The following CMIP variants were observed in gnomAD, a reference collection of about 807,000 sequenced individuals.
The protein encoded by CMIP is c-Maf inducing protein.
A neutral mutation model predicts 97.3 loss-of-function variants in CMIP; 13 were observed. The ratio of observed to expected loss-of-function variants is 0.13; its 90% confidence interval spans 0.09 to 0.21. The LOEUF is 0.21. Among genes scored for constraint, CMIP ranks in the 10% least tolerant of loss-of-function variants. CMIP has a pLI of 1.00. For synonymous variants in CMIP, 538 were observed against 436.3 expected (o/e 1.23, Z -2.91); for missense variants, 847 against 1,024.9 (o/e 0.83, Z 2.37).
intron 1 of CMIP, chr16:81,475,904 A>T: frequency 2.6e-6 from 1 of 384,306 alleles, no homozygotes; most frequent in Non-Finnish European, 5.0e-6. Flanking sequence ...GGAGAATGGC[A>T]TGAACCCGGG....
Position 81,670,154 on chromosome 16 carries a change from T to C in CMIP, c.838T>C (p.Cys280Arg). 1 of 1,608,454 alleles carries C rather than the reference T, an allele frequency of 6.2e-7. No homozygotes were observed. The highest frequency in any genetic ancestry group is 8.5e-7 in the Non-Finnish European group (1 of 1,177,714). ...GCTGTCTCCACAGGACTTTGGGAAG[T>C]GCCCGCGACTGAGGCTGTTTACTCA... ...ILKHNMDFGK[C>R]PRLRLFTQEY... The change falls in exon 8 of 21, where the codon TGC becomes CGC. Residue 280 changes from cysteine (C) to arginine (R), a missense_variant. This residue lies in a region of CMIP where 285 missense variants were observed against 392.2 expected (regional missense o/e 0.73). Transcript: ENST00000537098.
rs577812123 is a variant in CMIP, at chr16:81,708,507, T to A, written c.2269-1239T>A. ...AGGCCCCTTGGGAAGAAAAATCACT[T>A]TCAGTCGATTTTTTTATTTTCACAC... On this transcript the variant is annotated intron_variant, in intron 20 of 20. Transcript: ENST00000537098. Among the ~76,000 whole-genome samples, 4 of 152,310 alleles carry A rather than the reference T, an allele frequency of 2.6e-5. No homozygotes were observed. In the East Asian group the frequency reaches 7.7e-4, roughly 29 times the overall value.
chr16:81,525,443 C>T (rs1239188885), intron 1 of CMIP, among the ~76,000 whole-genome samples: 1 of 152,140 alleles, frequency 6.6e-6, no homozygotes, highest in Admixed American at 6.5e-5. Context: ...GCCTCTGGCC[C>T]CTATTTTTAT....
At position 81,453,787 on chromosome 16, in the gene CMIP, C is replaced by T. The variant is rs1021889965; in HGVS notation, c.300+8246C>T. ...TTCTTGTGAAATGGGTCTGCCCTCC[C>T]CTAGGTCCTTCATTGTCAGGGGGAT... On this transcript the variant is annotated intron_variant, in intron 1 of 20. Transcript: ENST00000537098. This position sits in a 1 kb window ranked among gnomAD's most constrained non-coding sequence, Gnocchi z 4.0. 6.6e-6 allele frequency among the ~76,000 whole-genome samples: 1 copy of T among 152,212 alleles called. No individual in the cohort carries two copies. The highest frequency in any genetic ancestry group is 2.4e-5 in the African/African-American group (1 of 41,452).
At chr16:81,659,281 T>C (rs1049514882) in intron 5 of CMIP, among the ~76,000 whole-genome samples, 10 of 152,174 alleles carry the variant, frequency 6.6e-5, no homozygotes, top group Non-Finnish European at 1.2e-4. Context: ...CATTGAGGAC[T>C]GAATGTGTGC....
At chr16:81,548,671 C>T (rs2090595833) in intron 1 of CMIP, among the ~76,000 whole-genome samples, 1 of 149,042 alleles carries the variant, frequency 6.7e-6, no homozygotes, top group African/African-American at 2.5e-5. Context: ...GGAGACCATG[C>T]CTCTACAAAA....
At chr16:81,634,219 A>C (rs1187979931) in intron 3 of CMIP, among the ~76,000 whole-genome samples, 1 of 152,272 alleles carries the variant, frequency 6.6e-6, no homozygotes, top group African/African-American at 2.4e-5. Context: ...GAAAGGGGAA[A>C]GAACAATAAA....
chr16:81,690,752 C>G (rs1263218199), intron 10 of CMIP, among the ~76,000 whole-genome samples: 2 of 152,194 alleles, frequency 1.3e-5, no homozygotes, highest in Non-Finnish European at 2.9e-5. Context: ...TGGCAAAACC[C>G]CATCCCTACT....
chr16:81,654,787 G>A (rs574590912), intron 4 of CMIP, among the ~76,000 whole-genome samples: 1 of 152,210 alleles, frequency 6.6e-6, no homozygotes, highest in Non-Finnish European at 1.5e-5. Context: ...ACCCTCGCCC[G>A]GGTCTGCCCA....
chr16:81,580,877 C>G (rs570417620), intron 1 of CMIP, among the ~76,000 whole-genome samples: 18 of 152,142 alleles, frequency 1.2e-4, no homozygotes, highest in African/African-American at 4.3e-4. Flanking sequence ...TATCTAATTC[C>G]GAAACCTCTT....
rs533446231 is a variant in CMIP at position 81,700,753 on chromosome 16, G to T, written c.1756-907G>T. ...GTGGGGACATCCCGGGCGGAGGCTT[G>T]CTGGAGGCCAGGGTGGCTGGAACAC... On this transcript the variant is annotated intron_variant, in intron 15 of 20. Transcript: ENST00000537098. 2.0e-5 allele frequency among the ~76,000 whole-genome samples: 3 copies of T among 152,362 alleles called. No homozygotes were observed. The South Asian group carries it at 6.2e-4, about 32-fold the overall frequency.
At chr16:81,660,699 C>A (rs1018511063) in intron 5 of CMIP, among the ~76,000 whole-genome samples, 185 bp from the exon 6 acceptor site, 3 of 151,876 alleles carry the variant, frequency 2.0e-5, no homozygotes, top group South Asian at 4.2e-4. Flanking sequence ...CAGACAGATA[C>A]GGTTGTGGAT....
chr16:81,707,215 A>G (rs1908250585), intron 20 of CMIP, 131 bp downstream of exon 20: 1 of 747,932 alleles, frequency 1.3e-6, no homozygotes, highest in East Asian at 2.5e-5. Flanking sequence ...TACATAAAAT[A>G]ATGGCAGATC....
intron 4 of CMIP, among the ~76,000 whole-genome samples, chr16:81,656,580 C>G (rs533800222): frequency 2.6e-5 from 4 of 152,254 alleles, no homozygotes; most frequent in Non-Finnish European, 5.9e-5. Context: ...TGTTCAAGTA[C>G]TCACAGATGG....
At chr16:81,463,555 T>C (rs1907018078) in intron 1 of CMIP, among the ~76,000 whole-genome samples, 1 of 152,242 alleles carries the variant, frequency 6.6e-6, no homozygotes, top group East Asian at 1.9e-4. Context: ...CCTGAGGATT[T>C]TGTAGGACGA....
chr16:81,478,821 G>A (rs748840688), intron 1 of CMIP, among the ~76,000 whole-genome samples: 4 of 152,188 alleles, frequency 2.6e-5, no homozygotes, highest in Non-Finnish European at 5.9e-5. Context: ...CCAGGGCTCT[G>A]GGATTCAGGT....
At chr16:81,648,152 A>G (rs933553069) in intron 3 of CMIP, among the ~76,000 whole-genome samples, 1 of 145,998 alleles carries the variant, frequency 6.8e-6, no homozygotes, top group African/African-American at 2.5e-5. Context: ...ACACTTCTTC[A>G]GGATCTCTTG....
At chr16:81,598,187 A>G (rs1224176058) in intron 1 of CMIP, among the ~76,000 whole-genome samples, 1 of 152,116 alleles carries the variant, frequency 6.6e-6, no homozygotes. Flanking sequence ...GGTATCGCCT[A>G]CAACAGAGCT....
chr16:81,659,220 C>T (rs1174880863), intron 5 of CMIP, among the ~76,000 whole-genome samples: 2 of 152,182 alleles, frequency 1.3e-5, no homozygotes, highest in Admixed American at 6.5e-5. Flanking sequence ...GCATGTGAGT[C>T]TGACTATGTG....
Sources: allele counts gnomAD v4.1 joint callset (sites outside exome capture counted in the v4.1 genomes callset), GRCh38; gene constraint gnomAD v4.1.1; regional missense constraint gnomAD v4.1.1; non-coding constraint Gnocchi (gnomAD v3.1); transcripts MANE v1.5; gene names NCBI Gene and HGNC (gene_info 2026-07-23, HGNC 2026-07-21).